Variants in LCA5 observed in about 807,000 individuals in gnomAD.
The protein encoded by LCA5 is lebercilin.
In LCA5, 37 loss-of-function variants were observed where a neutral mutation model predicts 53.0. That is an observed-to-expected ratio of 0.70 (90% confidence interval 0.54 to 0.92). LCA5 has a LOEUF of 0.92. LCA5 is among the 40% of genes least tolerant of loss of function. LCA5 has a pLI of 0.00. For synonymous variants in LCA5, 303 were observed against 282.9 expected, an observed-to-expected ratio of 1.07 and a Z score of -0.71; for missense variants, 806 against 790.5, an observed-to-expected ratio of 1.02 and a Z score of -0.23.
At chr6:79,527,773 G>C (rs1179754151) in intron 1 of LCA5, among the ~76,000 whole-genome samples, 3 of 152,096 alleles carry the variant, frequency 2.0e-5, no homozygotes, top group Non-Finnish European at 4.4e-5. Context: ...AGAACCAAAG[G>C]AAGCGTCTTG....
In LCA5 at chr6:79,519,018, C is replaced by G. The variant is rs1766540838; in HGVS notation, c.-124G>C. ...CTGATAATATTCATTTCTGTGCAAT[C>G]TATTTTCTCCACAATGTATTTGTAG... On this transcript the variant is annotated 5_prime_UTR_variant, in exon 2 of 8. Coordinates refer to ENST00000369846, the MANE Select transcript of LCA5 (RefSeq NM_001122769.3). 1.0e-6 allele frequency: 1 copy of G among 986,420 alleles called. No individual in the cohort carries two copies. The highest frequency in any genetic ancestry group is 1.3e-5 in the South Asian group (1 of 76,878). The allele number at this position is 986,420 out of a possible 1,614,324, so 61.1% of individuals were successfully genotyped here.
Position 79,487,184 on chromosome 6 carries a change from A to T in LCA5, c.1914T>A (p.Asn638Lys), listed in dbSNP as rs746553171. 4 of 1,613,876 alleles carry T rather than the reference A, an allele frequency of 2.5e-6. No homozygotes were observed. In the South Asian group the frequency reaches 4.4e-5, roughly 18 times the overall value. ...ASSKGDIDPL[N>K]FLPGNKGSRD... ...TGCTGCCTTTATTCCCAGGGAGAAA[A>T]TTTAGAGGGTCAATGTCTCCTTTAC... Residue 638 changes from asparagine to lysine, a missense_variant, in exon 8 of 8, where the codon AAT becomes AAA. Coordinates refer to ENST00000369846, the MANE Select transcript of LCA5 (RefSeq NM_001122769.3).
rs1225677257 is a variant in LCA5 at position 79,493,691 on chromosome 6, T to G, written c.780A>C (p.Glu260Asp). The G allele has an allele frequency of 1.2e-6, 2 of 1,613,826 alleles. No individual in the cohort carries two copies. The highest frequency in any genetic ancestry group is 3.3e-5 in the Admixed American group (2 of 60,004). The part of the protein sequence containing the change: ...TNSFQRQLLA[E>D]RKRAYEAHDE... Reference sequence around the variant, plus strand: ...CATGAGCCTCATATGCCCTTTTCCTTTCAGCAAGCAACTGTCGTTGGAAAC... The same window carrying G: ...CATGAGCCTCATATGCCCTTTTCCTGTCAGCAAGCAACTGTCGTTGGAAAC... The change falls in exon 4 of 8, where the codon GAA (glutamate) becomes GAC (aspartate). Residue 260 changes from glutamate to aspartate, a missense_variant. Coordinates refer to ENST00000369846, the MANE Select transcript of LCA5 (RefSeq NM_001122769.3).
At chr6:79,527,717 G>A (rs1239683255) in intron 1 of LCA5, among the ~76,000 whole-genome samples, 8 of 152,158 alleles carry the variant, frequency 5.3e-5, no homozygotes, top group Non-Finnish European at 7.3e-5. Flanking sequence ...AATTTAAAAT[G>A]CAATCCTATA....
At chr6:79,525,167 T>C (rs999859723) in intron 1 of LCA5, 1 of 152,242 alleles carries the variant, frequency 6.6e-6, no homozygotes, top group African/African-American at 2.4e-5. Flanking sequence ...GAATTACCTC[T>C]GCTTCATGTA....
Position 79,486,826 on chromosome 6 carries a change from G to T in LCA5, c.*178C>A. On this transcript the variant is annotated 3_prime_UTR_variant, in exon 8 of 8. Transcript: ENST00000369846. ...TTCAAAAAAGCCTCCTTCATTCTTGGCAAACTATCTATGTGGTGTATGTAT... is the reference window on the plus strand; with the variant it reads ...TTCAAAAAAGCCTCCTTCATTCTTGTCAAACTATCTATGTGGTGTATGTAT... 2.2e-5 allele frequency: 11 copies of T among 498,928 alleles called. No individual in the cohort carries two copies. The South Asian group carries it at 2.5e-4, about 11-fold the overall frequency. 30.9% of individuals were successfully genotyped at this position (498,928 alleles called of 1,614,324 possible).
intron 3 of LCA5, among the ~76,000 whole-genome samples, chr6:79,510,167 CAACAG>C (rs897125837): frequency 6.6e-6 from 1 of 152,048 alleles, no homozygotes; most frequent in African/African-American, 2.4e-5. Context: ...ACACACAGAT[CAACAG>C]AACAGAATAG....
intron 3 of LCA5, among the ~76,000 whole-genome samples, chr6:79,499,592 A>G (rs1490440798): frequency 7.5e-6 from 1 of 133,580 alleles, no homozygotes. Flanking sequence ...TTAAGAAATT[A>G]AAGAAACAAT....
intron 3 of LCA5, among the ~76,000 whole-genome samples, chr6:79,495,530 T>C (rs1214415326): frequency 1.3e-5 from 2 of 151,816 alleles, no homozygotes; most frequent in African/African-American, 4.8e-5. Flanking sequence ...GGCAGTGGGA[T>C]CACAAGGCCA....
rs1029939788 is a variant in LCA5, at chr6:79,491,614, A to G, written c.1072T>C (p.Trp358Arg). Reference sequence around the variant, plus strand: ...AAAGTAAGATGTCCTGGTTCTTCCCATTTGTTTTCGTAACACATAATTGTT... The same window carrying G: ...AAAGTAAGATGTCCTGGTTCTTCCCGTTTGTTTTCGTAACACATAATTGTT... ...PETIMCYENK[W>R]EEPGHLTLDL... is the part of the protein sequence containing the mutation. Residue 358 changes from tryptophan (W) to arginine (R), a missense_variant, in exon 6 of 8, where the codon TGG (tryptophan) becomes CGG (arginine). Coordinates refer to ENST00000369846, the MANE Select transcript of LCA5 (RefSeq NM_001122769.3). 6.2e-7 allele frequency: 1 copy of G among 1,613,094 alleles called. No homozygotes were observed. Among genetic ancestry groups the G allele is most frequent in the Non-Finnish European group, 8.5e-7 (1 of 1,179,220 alleles).
intron 1 of LCA5, among the ~76,000 whole-genome samples, chr6:79,522,904 C>CTTT (rs5877662): frequency 6.8e-6 from 1 of 148,028 alleles, no homozygotes. Flanking sequence ...TTGATACTGT[C>CTTT]TTTTTTTTTT....
chr6:79,492,814 T>C (rs551616912), intron 4 of LCA5, among the ~76,000 whole-genome samples, 167 bp from the exon 5 acceptor site: 1 of 152,110 alleles, frequency 6.6e-6, no homozygotes, highest in East Asian at 1.9e-4. Flanking sequence ...CATACTGAGG[T>C]TAGGATAGAG....
chr6:79,531,234 C>T (rs6927389), intron 1 of LCA5, among the ~76,000 whole-genome samples: 19,452 of 152,112 alleles, frequency 0.13, 1,371 homozygotes, highest in Non-Finnish European at 0.16. Flanking sequence ...ATCCTCTTTA[C>T]CCTCTCAACT....
intron 1 of LCA5, among the ~76,000 whole-genome samples, chr6:79,522,117 A>G (rs920448513): frequency 6.6e-6 from 1 of 152,142 alleles, no homozygotes; most frequent in African/African-American, 2.4e-5. Flanking sequence ...AAAAAATCAC[A>G]CATGCATCTT....
chr6:79,502,671 T>C (rs753402544), intron 3 of LCA5, among the ~76,000 whole-genome samples: 9 of 152,182 alleles, frequency 5.9e-5, no homozygotes, highest in Non-Finnish European at 8.8e-5. Flanking sequence ...ACCAAAATTA[T>C]AATATTTTAA....
chr6:79,487,091 C>A lies in LCA5; in HGVS notation c.2007G>T (p.Arg669Ser). The change falls in exon 8 of 8, where the codon AGG becomes AGT. Residue 669 changes from arginine (R) to serine (S), a missense_variant. Coordinates refer to ENST00000369846, the MANE Select transcript of LCA5 (RefSeq NM_001122769.3). ...TATCGTCTGCATGTTTTAATCGGTG[C>A]CTATTTGGATTAAAACTTCTTCCTT... ...LSEGRSFNPN[R>S]HRLKHADDKP... The A allele has an allele frequency of 6.2e-7, 1 of 1,613,444 alleles. No homozygotes were observed. The highest frequency in any genetic ancestry group is 8.5e-7 in the Non-Finnish European group (1 of 1,179,486).
At chr6:79,537,910 G>C (rs1767204038), upstream of LCA5, among the ~76,000 whole-genome samples, 1 of 151,530 alleles carries the variant, frequency 6.6e-6, no homozygotes, top group East Asian at 1.9e-4. Context: ...TTCCTGCCTC[G>C]AGATCCTGGC....
intron 3 of LCA5, among the ~76,000 whole-genome samples, chr6:79,511,549 T>C (rs926437098): frequency 7.2e-5 from 11 of 152,266 alleles, no homozygotes; most frequent in African/African-American, 2.4e-4. Context: ...CTTGATTATG[T>C]TGGTAGTCAC....
intron 2 of LCA5, among the ~76,000 whole-genome samples, chr6:79,517,353 C>T (rs986013054): frequency 1.8e-4 from 28 of 152,164 alleles, no homozygotes; most frequent in African/African-American, 6.3e-4. Flanking sequence ...GGGTGGCCTC[C>T]TAAGTTGTTT....
Sources: gnomAD v4.1 joint callset for allele counts (sites outside exome capture counted in the v4.1 genomes callset) on GRCh38, gnomAD v4.1.1 for gene constraint, MANE v1.5 for transcripts, NCBI Gene and HGNC (gene_info 2026-07-23, HGNC 2026-07-21) for gene names.